The following CHKA variants were observed in gnomAD, a reference collection of about 807,000 sequenced individuals.
The protein encoded by CHKA is CHETK-alpha.
A neutral mutation model predicts 60.1 loss-of-function variants in CHKA; 34 were observed. That is an observed-to-expected ratio of 0.57 (90% CI 0.43 to 0.75). The LOEUF is 0.75. CHKA is among the 30% of genes least tolerant of loss of function. The probability of loss-of-function intolerance (pLI) is 0.00; values close to 1 mark genes in which losing one functional copy is unlikely to be tolerated. For missense variants in CHKA, 563 were observed against 561.3 expected (o/e 1.00, Z -0.03); for synonymous variants, 217 against 223.1 (o/e 0.97, Z 0.24).
rs770931255 is a variant in CHKA at position 68,064,634 on chromosome 11, TA to T, written c.1126-4del. On this transcript the variant is annotated splice_polypyrimidine_tract_variant and splice_region_variant and intron_variant, in intron 9 of 11. Coordinates refer to ENST00000265689, the MANE Select transcript of CHKA (RefSeq NM_001277.3). ...AAGTAACTGGAAATAAAATGGAGCT[TA>T]AAAAAAAGTAATTGTGTTAGGATCA... 7.2e-5 allele frequency: 110 copies of T among 1,527,140 alleles called. 1 individual carries two copies. Among genetic ancestry groups the T allele is most frequent in the African/African-American group, 1.8e-4 (13 of 71,908 alleles). 94.6% of individuals were successfully genotyped at this position (1,527,140 alleles called of 1,614,324 possible). A position where few individuals can be genotyped will look rare whatever the true frequency, so the allele number is the denominator to read the frequency against.
chr11:68,121,279 G>A lies in CHKA; in HGVS notation c.-102C>T, dbSNP rs1219969840. On this transcript the variant is annotated 5_prime_UTR_variant, in exon 1 of 12. Coordinates refer to ENST00000265689, the MANE Select transcript of CHKA (RefSeq NM_001277.3). Reference sequence around the variant, plus strand: ...TCGCCGCTCTCTCACTGGCAGGCCGGCGGGGCAGGGGGCCGCGGCGGTTGG... The same window carrying A: ...TCGCCGCTCTCTCACTGGCAGGCCGACGGGGCAGGGGGCCGCGGCGGTTGG... The A allele has an allele frequency of 1.0e-6, 1 of 971,714 alleles. No homozygotes were observed. The highest frequency in any genetic ancestry group is 1.2e-6 in the Non-Finnish European group (1 of 802,962). The allele number at this position is 971,714 out of a possible 1,614,324, so 60.2% of individuals were successfully genotyped here.
At chr11:68,097,169 G>A in intron 1 of CHKA, 39 bp from the exon 2 acceptor site, 4 of 1,497,998 alleles carry the variant, frequency 2.7e-6, no homozygotes, top group Non-Finnish European at 3.7e-6. Context: ...CTTTATTGCA[G>A]GTGAGCTAAA....
chr11:68,086,981 G>A (rs992441787), intron 2 of CHKA, among the ~76,000 whole-genome samples: 8 of 20,276 alleles, frequency 3.9e-4, no homozygotes, highest in Non-Finnish European at 7.9e-4. Flanking sequence ...GCGAGACTCC[G>A]TCTCAAAAAA....
At chr11:68,071,332 G>C (rs1856611412) in intron 4 of CHKA, among the ~76,000 whole-genome samples, 1 of 152,224 alleles carries the variant, frequency 6.6e-6, no homozygotes, top group South Asian at 2.1e-4. Flanking sequence ...GCGTCACAGA[G>C]ACAGGGGGGC....
Position 68,096,945 on chromosome 11 carries a change from T to C in CHKA, c.462+74A>G, listed in dbSNP as rs769981779. On this transcript the variant is annotated intron_variant, in intron 2 of 11. Transcript: ENST00000265689. ...ACCATTAAAGTATTTAAAATCTCTT[T>C]CCAAGGTATCTCAGCAAAGAGGATT... 100 of 1,023,912 alleles carry C rather than the reference T, an allele frequency of 9.8e-5. No individual in the cohort carries two copies. The Middle Eastern group carries it at 1.3e-3, about 13-fold the overall frequency. 63.4% of individuals were successfully genotyped at this position (1,023,912 alleles called of 1,614,324 possible).
intron 2 of CHKA, among the ~76,000 whole-genome samples, chr11:68,096,180 A>G (rs1857510530): frequency 2.0e-5 from 3 of 151,960 alleles, no homozygotes; most frequent in South Asian, 4.1e-4. Flanking sequence ...CCTGACCAAC[A>G]TGGTGAAACC....
At position 68,081,401 on chromosome 11, in the gene CHKA, T is replaced by C; in HGVS notation, c.516+3A>G. ...ACAGATGCAGAAAGACTGAATTACTTACTTGAAATTCATTTTCTTTCTGAG... is the reference window on the plus strand; with the variant it reads ...ACAGATGCAGAAAGACTGAATTACTCACTTGAAATTCATTTTCTTTCTGAG... On this transcript the variant is annotated splice_donor_region_variant and intron_variant, in intron 3 of 11. Coordinates refer to ENST00000265689, the MANE Select transcript of CHKA (RefSeq NM_001277.3). 6.2e-7 allele frequency: 1 copy of C among 1,611,534 alleles called. No individual in the cohort carries two copies. Among genetic ancestry groups the C allele is most frequent in the South Asian group, 1.1e-5 (1 of 91,028 alleles).
At chr11:68,098,137 G>A (rs903478738) in intron 1 of CHKA, among the ~76,000 whole-genome samples, 2 of 151,926 alleles carry the variant, frequency 1.3e-5, no homozygotes, top group Admixed American at 1.3e-4. Flanking sequence ...GGGTGTGGTG[G>A]CACACACCTT....
intron 1 of CHKA, among the ~76,000 whole-genome samples, chr11:68,097,429 T>C (rs963931183): frequency 5.3e-5 from 8 of 151,850 alleles, no homozygotes; most frequent in African/African-American, 1.9e-4. Context: ...GGTCAAGGAA[T>C]CTAGACCATC....
intron 1 of CHKA, among the ~76,000 whole-genome samples, chr11:68,106,906 A>G (rs1442953319): frequency 1.3e-5 from 2 of 152,152 alleles, no homozygotes; most frequent in African/African-American, 4.8e-5. Context: ...TAGCAGCAAC[A>G]CTGCCCTCTA....
chr11:68,070,714 G>T lies in CHKA; in HGVS notation c.764+10C>A. On this transcript the variant is annotated intron_variant, in intron 5 of 11. Transcript: ENST00000265689. ...AAACTATGTTAGGACCAAGTGATTT[G>T]ACCACTTACTTTTCCATTGTGCCAA... The T allele has an allele frequency of 1.2e-6, 2 of 1,607,586 alleles. No homozygotes were observed. Among genetic ancestry groups the T allele is most frequent in the South Asian group, 2.2e-5 (2 of 90,824 alleles).
At chr11:68,067,518 C>G (rs1232242494) in intron 7 of CHKA, among the ~76,000 whole-genome samples, 3 of 152,042 alleles carry the variant, frequency 2.0e-5, no homozygotes, top group African/African-American at 7.2e-5. Flanking sequence ...TCACTTAAGC[C>G]CAACAGGCTA....
intron 2 of CHKA, among the ~76,000 whole-genome samples, chr11:68,096,396 G>A (rs1252046883): frequency 6.6e-6 from 1 of 151,866 alleles, no homozygotes; most frequent in Non-Finnish European, 1.5e-5. Flanking sequence ...TTTCTACCGT[G>A]CTCAATGAAA....
chr11:68,096,226 G>A (rs1038196444), intron 2 of CHKA, among the ~76,000 whole-genome samples: 2 of 151,072 alleles, frequency 1.3e-5, no homozygotes, highest in Admixed American at 6.6e-5. Flanking sequence ...TTAGCCAGGC[G>A]TGGTGGCATG....
At chr11:68,069,767 C>T (rs887520307) in intron 6 of CHKA, among the ~76,000 whole-genome samples, 4 of 152,054 alleles carry the variant, frequency 2.6e-5, no homozygotes, top group Non-Finnish European at 5.9e-5. Flanking sequence ...AGGACAATGA[C>T]GGCCTTGCTT....
chr11:68,121,326 G>GCGA lies in CHKA; in HGVS notation c.-150_-149insTCG, dbSNP rs750213357. 36 of 278,314 alleles carry GCGA rather than the reference G, an allele frequency of 1.3e-4. No homozygotes were observed. Among genetic ancestry groups the GCGA allele is most frequent in the Non-Finnish European group, 1.7e-4 (31 of 180,652 alleles). The allele number at this position is 278,314 out of a possible 1,614,324, so 17.2% of individuals were successfully genotyped here. On this transcript the variant is annotated 5_prime_UTR_variant, in exon 1 of 12. Transcript: ENST00000265689. ...TTGGGCGCGCGGGGCGGCGGCGGCG[G>GCGA]CTGCGGCGACTGCGGCGACTGTGGA...
At chr11:68,062,484 C>T (rs530163676) in intron 10 of CHKA, among the ~76,000 whole-genome samples, 1 of 152,194 alleles carries the variant, frequency 6.6e-6, no homozygotes, top group Non-Finnish European at 1.5e-5. Context: ...CAAGAGAATT[C>T]TCAAATCCCA....
intron 3 of CHKA, among the ~76,000 whole-genome samples, chr11:68,078,102 A>AC (rs1193291071): frequency 6.6e-6 from 1 of 152,172 alleles, no homozygotes; most frequent in African/African-American, 2.4e-5. Context: ...GCCCTTTCTT[A>AC]TGTGACTGTC....
Position 68,059,373 on chromosome 11 carries a change from T to C in CHKA, c.1314+2580A>G, listed in dbSNP as rs2134492268. On this transcript the variant is annotated intron_variant, in intron 11 of 11. Transcript: ENST00000265689. ...TAATATGAAGAATTATATGAACTGA[T>C]TTTTTCAAATATAAACCAGCCTTGC... is the stretch of plus-strand genomic sequence containing the variant. Among the ~76,000 whole-genome samples the C allele has an allele frequency of 2.6e-5, 4 of 152,334 alleles. 1 individual carries two copies. The highest frequency in any genetic ancestry group is 6.8e-3 in the Middle Eastern group (2 of 294).
Sources: gnomAD v4.1 joint callset for allele counts (sites outside exome capture counted in the v4.1 genomes callset) on GRCh38, gnomAD v4.1.1 for gene constraint, MANE v1.5 for transcripts, NCBI Gene and HGNC (gene_info 2026-07-23, HGNC 2026-07-21) for gene names.